IFT80: variants seen among roughly 807,000 people sequenced by gnomAD.
IFT80 encodes intraflagellar transport 80.
Under a neutral mutation model 107.9 loss-of-function variants are expected in IFT80, and 79 were observed. The observed-to-expected ratio is 0.73, with a 90% CI of 0.61 to 0.88. IFT80 has a LOEUF of 0.88. IFT80 is among the 40% of genes least tolerant of loss of function. IFT80 has a pLI of 0.00. For synonymous variants in IFT80, 299 were observed against 300.9 expected (o/e 0.99, Z 0.07); for missense variants, 797 against 914.2 (o/e 0.87, Z 1.65).
intron 7 of IFT80, 120 bp downstream of exon 7, chr3:160,357,369 T>G (rs1721168676): frequency 4.9e-6 from 3 of 614,380 alleles, no homozygotes; most frequent in Non-Finnish European, 8.8e-6. Context: ...TAAAATAATT[T>G]GCTAAATTAC....
chr3:160,312,944 A>AATATATAATATATATAAT (rs1717489695), intron 9 of IFT80, among the ~76,000 whole-genome samples: 2 of 42,364 alleles, frequency 4.7e-5, no homozygotes, highest in African/African-American at 2.7e-4. Flanking sequence ...ATATATAATA[A>AATATATAATATATATAAT]ATATATATTA....
intron 12 of IFT80, among the ~76,000 whole-genome samples, chr3:160,288,966 C>T (rs142316854): frequency 6.7e-6 from 1 of 150,244 alleles, no homozygotes; most frequent in African/African-American, 2.4e-5. Flanking sequence ...GGTGCATACC[C>T]AAAGGAATAT....
chr3:160,332,017 G>A (rs562303099), intron 8 of IFT80, among the ~76,000 whole-genome samples: 2 of 152,150 alleles, frequency 1.3e-5, no homozygotes, highest in East Asian at 1.9e-4. Context: ...AAATTTCCCA[G>A]TCTGGATTTT....
At chr3:160,293,397 A>G (rs1715723580) in intron 12 of IFT80, among the ~76,000 whole-genome samples, 1 of 152,220 alleles carries the variant, frequency 6.6e-6, no homozygotes, top group African/African-American at 2.4e-5. Flanking sequence ...AATATGGTAT[A>G]ACACTGGAAT....
chr3:160,390,889 G>C (rs1483689841), intron 1 of IFT80, among the ~76,000 whole-genome samples: 1 of 152,210 alleles, frequency 6.6e-6, no homozygotes, highest in Non-Finnish European at 1.5e-5. Flanking sequence ...CACGGGACCA[G>C]ATTGGGGACT....
intron 12 of IFT80, among the ~76,000 whole-genome samples, chr3:160,292,832 C>A (rs976473525): frequency 2.0e-5 from 3 of 152,118 alleles, no homozygotes; most frequent in Non-Finnish European, 2.9e-5. Flanking sequence ...TCACCTTCTC[C>A]TACCTGACAC....
chr3:160,271,095 T>C (rs1713773736), intron 18 of IFT80, among the ~76,000 whole-genome samples: 2 of 152,184 alleles, frequency 1.3e-5, no homozygotes, highest in Admixed American at 6.5e-5. Context: ...TAATAAAATA[T>C]GTATCGATTG....
intron 9 of IFT80, among the ~76,000 whole-genome samples, chr3:160,309,931 G>A (rs1026116460): frequency 6.6e-6 from 1 of 151,940 alleles, no homozygotes; most frequent in Admixed American, 6.6e-5. Context: ...AAAAAATCAA[G>A]AGTAAAACTC....
chr3:160,344,636 TC>T (rs1408743944), intron 8 of IFT80, among the ~76,000 whole-genome samples: 3 of 151,818 alleles, frequency 2.0e-5, no homozygotes, highest in African/African-American at 7.3e-5. Context: ...GAGGAGACAA[TC>T]AACAAAGTGA....
intron 12 of IFT80, among the ~76,000 whole-genome samples, chr3:160,291,684 T>C (rs1715569648): frequency 2.0e-5 from 3 of 152,160 alleles, no homozygotes; most frequent in South Asian, 4.2e-4. Flanking sequence ...TCGCAGGCCA[T>C]GGTCACATGG....
At chr3:160,346,804 C>T (rs919780838) in intron 8 of IFT80, among the ~76,000 whole-genome samples, 8 of 152,158 alleles carry the variant, frequency 5.3e-5, no homozygotes, top group African/African-American at 1.7e-4. Flanking sequence ...CTTTAATACA[C>T]GGCCAGACCA....
At chr3:160,379,613 A>T (rs1235799584) in intron 3 of IFT80, among the ~76,000 whole-genome samples, 1 of 152,210 alleles carries the variant, frequency 6.6e-6, no homozygotes, top group African/African-American at 2.4e-5. Flanking sequence ...TTGTCCCAAC[A>T]TATATGGGAC....
chr3:160,269,226 A>T (rs78353722), intron 18 of IFT80, among the ~76,000 whole-genome samples: 1 of 150,626 alleles, frequency 6.6e-6, no homozygotes, highest in East Asian at 1.9e-4. Context: ...GAGACTCAAA[A>T]AAAAAAAAAA....
chr3:160,324,684 G>A (rs1249327730), intron 8 of IFT80, among the ~76,000 whole-genome samples: 1 of 152,090 alleles, frequency 6.6e-6, no homozygotes, highest in Non-Finnish European at 1.5e-5. Context: ...TACTGAATGG[G>A]CAAAAACTGG....
At chr3:160,396,666 G>A (rs1713800594) in intron 1 of IFT80, among the ~76,000 whole-genome samples, 1 of 152,098 alleles carries the variant, frequency 6.6e-6, no homozygotes, top group Non-Finnish European at 1.5e-5. Flanking sequence ...TTTTAGACTA[G>A]GAAGATAAGA....
At chr3:160,345,297 C>T (rs1158816453) in intron 8 of IFT80, among the ~76,000 whole-genome samples, 1 of 152,018 alleles carries the variant, frequency 6.6e-6, no homozygotes, top group East Asian at 1.9e-4. Context: ...CATGTATGGA[C>T]ATAGAGATCA....
intron 19 of IFT80, among the ~76,000 whole-genome samples, chr3:160,264,174 AC>A (rs1207320653): frequency 6.6e-6 from 1 of 151,436 alleles, no homozygotes; most frequent in African/African-American, 2.4e-5. Flanking sequence ...CAGTGGCGTG[AC>A]CTCGGCTCAC....
intron 18 of IFT80, among the ~76,000 whole-genome samples, chr3:160,271,735 T>G (rs1713825640): frequency 6.6e-6 from 1 of 152,110 alleles, no homozygotes; most frequent in Non-Finnish European, 1.5e-5. Flanking sequence ...ATATAGAGAT[T>G]CAGGGATATT....
At chr3:160,276,704 T>G (rs1269718047) in intron 18 of IFT80, among the ~76,000 whole-genome samples, 3 of 152,242 alleles carry the variant, frequency 2.0e-5, no homozygotes, top group Admixed American at 2.0e-4. Context: ...TGACCAATCC[T>G]TTCCTCTTTC....
Sources: allele counts gnomAD v4.1 joint callset (sites outside exome capture counted in the v4.1 genomes callset), GRCh38; gene constraint gnomAD v4.1.1; transcripts MANE v1.5; gene names NCBI Gene and HGNC (gene_info 2026-07-23, HGNC 2026-07-21).